DOCK7: variants seen among roughly 807,000 people sequenced by gnomAD.
DOCK7 encodes dedicator of cytokinesis protein 7.
In DOCK7, 138 loss-of-function variants were observed where a neutral mutation model predicts 271.0. That is an observed-to-expected ratio of 0.51 (90% CI 0.44 to 0.59). DOCK7 has a LOEUF of 0.59. Among genes scored for constraint, DOCK7 ranks in the 20% least tolerant of loss-of-function variants. The pLI, the probability that DOCK7 is intolerant of heterozygous loss-of-function variation, is 0.00. For synonymous variants in DOCK7, 823 were observed against 876.1 expected (o/e 0.94, Z 1.07); for missense variants, 2,066 against 2,592.4 (o/e 0.80, Z 4.41).
chr1:62,536,759 C>T (rs371602437), intron 28 of DOCK7, among the ~76,000 whole-genome samples: 1 of 152,056 alleles, frequency 6.6e-6, no homozygotes, highest in Non-Finnish European at 1.5e-5. Flanking sequence ...TTAAGATTAA[C>T]TAACTTTCAC....
At position 62,535,599 on chromosome 1, in the gene DOCK7, T is replaced by C; in HGVS notation, c.3505A>G (p.Lys1169Glu). The C allele has an allele frequency of 6.2e-7, 1 of 1,613,980 alleles. No individual in the cohort carries two copies. The highest frequency in any genetic ancestry group is 8.5e-7 in the Non-Finnish European group (1 of 1,179,922). Residue 1169 changes from lysine to glutamate, a missense_variant, in exon 29 of 50, where the codon AAG becomes GAG. Physicochemically the swap from Lys to Glu is moderately conservative, Grantham distance 56. Around this residue, in one of 2 missense-constraint regions of DOCK7, gnomAD observed 1,414 missense variants for 1,670.4 expected, o/e 0.85. Coordinates refer to ENST00000635253, the MANE Select transcript of DOCK7 (RefSeq NM_001367561.1). ...GATAATTCAAACATATTTGCAATCT[T>C]TTGGTCTTGTACATTCGTAGAAAAT... is the stretch of plus-strand genomic sequence containing the variant. ...SGFSTNVQDQ[K>E]IANMFELSVP... is the part of the protein sequence containing the mutation.
intron 14 of DOCK7, among the ~76,000 whole-genome samples, chr1:62,591,358 G>C (rs899872469): frequency 1.3e-5 from 2 of 152,058 alleles, no homozygotes; most frequent in East Asian, 1.9e-4. Context: ...GAGAAGGGAG[G>C]GTGGAGGAGA....
At chr1:62,597,673 G>A (rs2149525229) in intron 14 of DOCK7, 1 of 1,613,412 alleles carries the variant, frequency 6.2e-7, no homozygotes, top group South Asian at 1.1e-5. Context: ...CCAAAATCAA[G>A]ATTTGCTATG....
intron 2 of DOCK7, among the ~76,000 whole-genome samples, chr1:62,662,253 A>C: frequency 6.6e-6 from 1 of 152,306 alleles, no homozygotes; most frequent in South Asian, 2.1e-4. Flanking sequence ...AATAAATATT[A>C]GTTTTTATCA....
At chr1:62,477,370 T>C (rs1370076355) in intron 44 of DOCK7, among the ~76,000 whole-genome samples, 1 of 152,202 alleles carries the variant, frequency 6.6e-6, no homozygotes, top group Admixed American at 6.5e-5. Flanking sequence ...AGTTCAATTA[T>C]TAGCTACTAC....
intron 21 of DOCK7, among the ~76,000 whole-genome samples, chr1:62,554,254 C>T (rs936466011): frequency 1.2e-4 from 18 of 152,082 alleles, no homozygotes; most frequent in Admixed American, 8.5e-4. Context: ...AGGCGGACCA[C>T]GAGTTCAGGA....
chr1:62,646,531 G>A (rs1367115930), intron 7 of DOCK7, among the ~76,000 whole-genome samples: 1 of 152,142 alleles, frequency 6.6e-6, no homozygotes, highest in Non-Finnish European at 1.5e-5. Context: ...ATCCTTATAA[G>A]AAGAGGAAGA....
At chr1:62,559,844 G>A (rs1198482159) in intron 19 of DOCK7, among the ~76,000 whole-genome samples, 1 of 152,104 alleles carries the variant, frequency 6.6e-6, no homozygotes, top group Non-Finnish European at 1.5e-5. Context: ...TGACAGAGAT[G>A]GCTCACTGTG....
rs777158952 is a variant in DOCK7 at position 62,476,138 on chromosome 1, A to C, written c.5653T>G (p.Phe1885Val). The change falls in exon 45 of 50, where the codon TTT becomes GTT. Residue 1885 changes from phenylalanine (F) to valine (V), a missense_variant. Coordinates refer to ENST00000635253, the MANE Select transcript of DOCK7 (RefSeq NM_001367561.1). The stretch of plus-strand genomic sequence containing the variant: ...ATTACTTCAACCACATCCTCTCCAA[A>C]TCTTTCTCCGTAAAATCCCTACAAT... ...HRLEGFYGER[F>V]GEDVVEVIKD... The C allele has an allele frequency of 9.3e-6, 15 of 1,612,762 alleles. No homozygotes were observed. The highest frequency in any genetic ancestry group is 8.5e-7 in the Non-Finnish European group (1 of 1,179,518).
intron 33 of DOCK7, among the ~76,000 whole-genome samples, 192 bp downstream of exon 33, chr1:62,513,252 A>AGGGGGGG (rs1644545022): frequency 3.3e-4 from 1 of 3,008 alleles, no homozygotes; most frequent in South Asian, 0.02. Flanking sequence ...TCTAGAGAAA[A>AGGGGGGG]CGGGGGGGGG....
At chr1:62,546,740 ATTTG>A (rs138598945) in intron 22 of DOCK7, among the ~76,000 whole-genome samples, 3 of 152,246 alleles carry the variant, frequency 2.0e-5, no homozygotes, top group East Asian at 1.9e-4. Flanking sequence ...ATGCAATCAG[ATTTG>A]TTTAAAATAA....
intron 25 of DOCK7, among the ~76,000 whole-genome samples, chr1:62,540,200 G>T (rs1024008167): frequency 6.0e-5 from 9 of 150,500 alleles, no homozygotes; most frequent in African/African-American, 2.0e-4. Context: ...AAAAAACAGG[G>T]TCTCACTCTG....
intron 14 of DOCK7, among the ~76,000 whole-genome samples, chr1:62,615,831 C>A (rs937351976): frequency 3.3e-5 from 5 of 151,690 alleles, no homozygotes; most frequent in African/African-American, 4.8e-5. Flanking sequence ...ACTAAAGGCA[C>A]TGAGATACGT....
At chr1:62,457,492 G>T in intron 49 of DOCK7, 46 bp downstream of exon 49, 1 of 1,567,266 alleles carries the variant, frequency 6.4e-7, no homozygotes, top group Non-Finnish European at 8.7e-7. Flanking sequence ...TAACATGTTA[G>T]GTTTCAGAGG....
intron 13 of DOCK7, among the ~76,000 whole-genome samples, chr1:62,619,265 A>G (rs565095131): frequency 1.9e-4 from 29 of 152,318 alleles, no homozygotes; most frequent in Middle Eastern, 6.8e-3. Context: ...CAATCATAAT[A>G]TGAATCTATT....
At chr1:62,527,551 C>A (rs972608797) in intron 31 of DOCK7, among the ~76,000 whole-genome samples, 2 of 152,116 alleles carry the variant, frequency 1.3e-5, no homozygotes, top group Non-Finnish European at 2.9e-5. Context: ...ATGATGAGTT[C>A]ATGTCCTTTG....
intron 48 of DOCK7, among the ~76,000 whole-genome samples, chr1:62,469,906 CAAAA>C (rs35490114): frequency 0.021 from 2,901 of 137,672 alleles, 37 homozygotes; most frequent in Non-Finnish European, 0.029. Context: ...ATCAAAAACT[CAAAA>C]AAAAAAAAAA....
Position 62,476,055 on chromosome 1 carries a change from A to T in DOCK7, c.5724+12T>A. The T allele has an allele frequency of 6.2e-7, 1 of 1,609,514 alleles. No homozygotes were observed. The highest frequency in any genetic ancestry group is 8.5e-7 in the Non-Finnish European group (1 of 1,177,330). ...AGATGTCTATATGTCATTATAGTCG[A>T]ATCAACTATACCTTGTTAGGATCTA... On this transcript the variant is annotated intron_variant, in intron 45 of 49. Coordinates refer to ENST00000635253, the MANE Select transcript of DOCK7 (RefSeq NM_001367561.1).
At position 62,625,211 on chromosome 1, in the gene DOCK7, A is replaced by C. The variant is rs145916114; in HGVS notation, c.1425+48T>G. 2.8e-5 allele frequency: 45 copies of C among 1,598,680 alleles called. No homozygotes were observed. The African/African-American group carries it at 5.2e-4, about 19-fold the overall frequency. ...TCACTACCTTTCTGAAATTAAAAAA[A>C]TTTATGCACAAACATCTCCCCAAAA... On this transcript the variant is annotated intron_variant, in intron 12 of 49. Transcript: ENST00000635253.
Sources: gnomAD v4.1 joint callset for allele counts (sites outside exome capture counted in the v4.1 genomes callset) on GRCh38, gnomAD v4.1.1 for gene constraint, gnomAD v4.1.1 regional missense constraint, MANE v1.5 for transcripts, NCBI Gene and HGNC (gene_info 2026-07-23, HGNC 2026-07-21) for gene names.